Variants in TMEM64 observed in about 807,000 individuals in gnomAD.
TMEM64 encodes transmembrane protein 64.
In TMEM64, 19 loss-of-function variants were observed where a neutral mutation model predicts 24.5. The ratio of observed to expected loss-of-function variants is 0.78; its 90% CI spans 0.54 to 1.14. The LOEUF is 1.14. Ranked by LOEUF, TMEM64 falls within the 50% of genes most tolerant of loss-of-function variation. The probability of loss-of-function intolerance (pLI) is 0.00; values close to 1 mark genes in which losing one functional copy is unlikely to be tolerated. For missense variants in TMEM64, 487 were observed against 493.0 expected, an observed-to-expected ratio of 0.99 and a Z score of 0.12; for synonymous variants, 262 against 224.7, an observed-to-expected ratio of 1.17 and a Z score of -1.49.
At position 90,646,032 on chromosome 8, in the gene TMEM64, G is replaced by A. The variant is rs1443735226; in HGVS notation, c.-127C>T. On this transcript the variant is annotated 5_prime_UTR_variant, in exon 1 of 3. Coordinates refer to ENST00000458549, the MANE Select transcript of TMEM64 (RefSeq NM_001008495.4). The stretch of plus-strand genomic sequence containing the variant: ...TGCGTCCGCTCAGAGGGTGGGAGAC[G>A]GCCCGTAGAAGGGCGCGGAGTCAGC... 3.1e-5 allele frequency: 12 copies of A among 383,008 alleles called. No homozygotes were observed. The highest frequency in any genetic ancestry group is 1.2e-4 in the Admixed American group (2 of 16,688). 23.7% of individuals were successfully genotyped at this position (383,008 alleles called of 1,614,324 possible). A position where few individuals can be genotyped will look rare whatever the true frequency, so the allele number is the denominator to read the frequency against.
At chr8:90,639,859 G>T (rs10102274) in intron 1 of TMEM64, among the ~76,000 whole-genome samples, 26,035 of 151,934 alleles carry the variant, frequency 0.17, 4,723 homozygotes, top group African/African-American at 0.46. Flanking sequence ...TAATAACCTC[G>T]TTGCTTTTAA....
Position 90,631,433 on chromosome 8 carries a change from G to GA in TMEM64, c.951+118dup, listed in dbSNP as rs1809434285. Reference sequence around the variant, plus strand: ...TATGTAGTAGTAATGAAAGAACCAAGAAAAAAATCTAAAATGGAAAAACCC... The same window carrying GA: ...TATGTAGTAGTAATGAAAGAACCAAGAAAAAAAATCTAAAATGGAAAAACCC... On this transcript the variant is annotated intron_variant, in intron 2 of 2. Coordinates refer to ENST00000458549, the MANE Select transcript of TMEM64 (RefSeq NM_001008495.4). 44 of 907,544 alleles carry GA rather than the reference G, an allele frequency of 4.8e-5. No homozygotes were observed. In the South Asian group the frequency reaches 1.1e-3, roughly 24 times the overall value. 56.2% of individuals were successfully genotyped at this position (907,544 alleles called of 1,614,324 possible). A position where few individuals can be genotyped will look rare whatever the true frequency, so the allele number is the denominator to read the frequency against.
At chr8:90,638,032 A>G (rs16905037) in intron 1 of TMEM64, among the ~76,000 whole-genome samples, 10,360 of 152,122 alleles carry the variant, frequency 0.068, 1,134 homozygotes, top group African/African-American at 0.23. Context: ...CTCTGGGGAA[A>G]TCTATCCACC....
At position 90,625,343 on chromosome 8, in the gene TMEM64, A is replaced by C. The variant is rs549995793; in HGVS notation, c.*328T>G. 1.7e-4 allele frequency: 31 copies of C among 183,460 alleles called. No homozygotes were observed. Among genetic ancestry groups the C allele is most frequent in the Non-Finnish European group, 2.9e-4 (26 of 88,282 alleles). The allele number at this position is 183,460 out of a possible 1,614,324, so 11.4% of individuals were successfully genotyped here. A position where few individuals can be genotyped will look rare whatever the true frequency, so the allele number is the denominator to read the frequency against. On this transcript the variant is annotated 3_prime_UTR_variant, in exon 3 of 3. Coordinates refer to ENST00000458549, the MANE Select transcript of TMEM64 (RefSeq NM_001008495.4). ...TGCATACAAACTACTCATGGGCTTT[A>C]TAAATAAAGACACTAAGCAGAAATA...
chr8:90,639,224 T>TTTG (rs1349815361), intron 1 of TMEM64, among the ~76,000 whole-genome samples: 1 of 152,130 alleles, frequency 6.6e-6, no homozygotes, highest in Non-Finnish European at 1.5e-5. Flanking sequence ...GTTAGGTCAA[T>TTTG]GTCTGTCTAC....
chr8:90,638,954 G>A (rs2130507341), intron 1 of TMEM64, among the ~76,000 whole-genome samples: 1 of 152,240 alleles, frequency 6.6e-6, no homozygotes, highest in Admixed American at 6.5e-5. Context: ...ATTTAAAACA[G>A]CAGCAGGCAC....
At position 90,645,062 on chromosome 8, in the gene TMEM64, C is replaced by G. The variant is rs1275321448; in HGVS notation, c.795+49G>C. The G allele has an allele frequency of 1.9e-6, 3 of 1,554,362 alleles. No individual in the cohort carries two copies. Among genetic ancestry groups the G allele is most frequent in the Non-Finnish European group, 1.7e-6 (2 of 1,143,970 alleles). On this transcript the variant is annotated intron_variant, in intron 1 of 2. Coordinates refer to ENST00000458549, the MANE Select transcript of TMEM64 (RefSeq NM_001008495.4). This position sits in a 1 kb window ranked among gnomAD's most constrained non-coding sequence, Gnocchi z 4.2. ...CGCCCTCCTAGGGCCGCCACAAGAC[C>G]GCTCAAAAACAGACTTGGAGAGGGA...
chr8:90,638,007 T>G (rs1809547995), intron 1 of TMEM64, among the ~76,000 whole-genome samples: 1 of 152,150 alleles, frequency 6.6e-6, no homozygotes, highest in African/African-American at 2.4e-5. Context: ...TACTACATCT[T>G]GTCAACCGCA....
chr8:90,635,637 T>C (rs1482630441), intron 1 of TMEM64, among the ~76,000 whole-genome samples: 1 of 152,084 alleles, frequency 6.6e-6, no homozygotes, highest in African/African-American at 2.4e-5. Context: ...AGTCAAAGAA[T>C]GATGTGAATG....
rs183679977 is a variant in TMEM64, at chr8:90,634,448, C to T, written c.796-2741G>A. On this transcript the variant is annotated intron_variant, in intron 1 of 2. Coordinates refer to ENST00000458549, the MANE Select transcript of TMEM64 (RefSeq NM_001008495.4). ...CCATTCTATTCAAACTCCTTCTTTA[C>T]GCTTCTTTTAAAAATGGCCATAACT... 3.3e-5 allele frequency among the ~76,000 whole-genome samples: 5 copies of T among 152,194 alleles called. No homozygotes were observed. The East Asian group carries it at 7.7e-4, about 23-fold the overall frequency.
chr8:90,623,296 TA>T lies in TMEM64; in HGVS notation c.*2374del, dbSNP rs1301921143. 2.0e-5 allele frequency: 3 copies of T among 152,066 alleles called. No homozygotes were observed. The highest frequency in any genetic ancestry group is 7.2e-5 in the African/African-American group (3 of 41,422). The allele number at this position is 152,066 out of a possible 1,614,324, so 9.4% of individuals were successfully genotyped here. On this transcript the variant is annotated 3_prime_UTR_variant, in exon 3 of 3. Transcript: ENST00000458549. ...GACTGACAGCAATATTTGGACAACA[TA>T]AAAGTATCCTGTAGATATGTGTTGC...
chr8:90,632,839 A>G (rs575192685), intron 1 of TMEM64, among the ~76,000 whole-genome samples: 21 of 152,252 alleles, frequency 1.4e-4, no homozygotes, highest in Non-Finnish European at 2.5e-4. Context: ...TGACACTCAA[A>G]AAAGGTGAAA....
intron 1 of TMEM64, among the ~76,000 whole-genome samples, chr8:90,640,263 C>A (rs1809584473): frequency 6.6e-6 from 1 of 152,142 alleles, no homozygotes; most frequent in Non-Finnish European, 1.5e-5. Flanking sequence ...GATACAGTGA[C>A]AAGTATTATG....
intron 1 of TMEM64, among the ~76,000 whole-genome samples, chr8:90,634,354 G>T (rs939152667): frequency 6.6e-6 from 1 of 152,170 alleles, no homozygotes; most frequent in Admixed American, 6.5e-5. Context: ...TAAAACATGG[G>T]TATCTCAAAT....
chr8:90,636,224 T>C (rs74348000), intron 1 of TMEM64, among the ~76,000 whole-genome samples: 1,841 of 152,356 alleles, frequency 0.012, 33 homozygotes, highest in African/African-American at 0.041. Flanking sequence ...TTATTAAAGA[T>C]GAACAGCTTC....
intron 1 of TMEM64, among the ~76,000 whole-genome samples, chr8:90,638,222 A>C (rs1212763167): frequency 6.6e-6 from 1 of 152,196 alleles, no homozygotes; most frequent in Non-Finnish European, 1.5e-5. Flanking sequence ...CTGGCCTCTG[A>C]GCATTTCATG....
At chr8:90,644,898 T>A (rs1457439409) in intron 1 of TMEM64, among the ~76,000 whole-genome samples, 1 of 152,152 alleles carries the variant, frequency 6.6e-6, no homozygotes, top group African/African-American at 2.4e-5. Flanking sequence ...AAACATTAGT[T>A]TTTTATCTAA....
rs1403247590 is a variant in TMEM64, at chr8:90,645,776, C to G, written c.130G>C (p.Asp44His). The G allele has an allele frequency of 2.8e-5, 29 of 1,020,504 alleles. No homozygotes were observed. The South Asian group carries it at 1.0e-3, about 36-fold the overall frequency. 63.2% of individuals were successfully genotyped at this position (1,020,504 alleles called of 1,614,324 possible). ...GCCCCGCCCCCGCGGGGAAGGCGGTCCGCCGGGCCGTCCCCGCCCGCACCC... is the reference window on the plus strand; with the variant it reads ...GCCCCGCCCCCGCGGGGAAGGCGGTGCGCCGGGCCGTCCCCGCCCGCACCC... ...PRGAGGDGPA[D>H]RLPRGGGASA... Residue 44 changes from aspartate (D) to histidine (H), a missense_variant, in exon 1 of 3, where the codon GAC becomes CAC. By Grantham distance (81) the Asp-to-His change is moderately conservative. Around this residue, in one of 3 missense-constraint regions of TMEM64, gnomAD observed 419 missense variants for 407.5 expected, o/e 1.03. Transcript: ENST00000458549. This position sits in a 1 kb window ranked among gnomAD's most constrained non-coding sequence, Gnocchi z 4.2.
intron 2 of TMEM64, among the ~76,000 whole-genome samples, chr8:90,626,605 TC>T (rs1409933432): frequency 1.3e-5 from 2 of 150,930 alleles, no homozygotes; most frequent in Non-Finnish European, 1.5e-5. Flanking sequence ...GAAGCTGTGG[TC>T]CCTCTGTACT....
Sources: allele counts gnomAD v4.1 joint callset (sites outside exome capture counted in the v4.1 genomes callset), GRCh38; gene constraint gnomAD v4.1.1; regional missense constraint gnomAD v4.1.1; non-coding constraint Gnocchi (gnomAD v3.1); transcripts MANE v1.5; gene names NCBI Gene and HGNC (gene_info 2026-07-23, HGNC 2026-07-21).